Variants in EXOC4 observed in about 807,000 individuals in gnomAD.
The protein encoded by EXOC4 is SEC8-like 1.
EXOC4 carries 71 observed loss-of-function variants against 107.2 expected under a neutral mutation model. The observed-to-expected ratio is 0.66, with a 90% CI of 0.55 to 0.81. EXOC4 has a LOEUF of 0.81. Among genes scored for constraint, EXOC4 ranks in the 30% least tolerant of loss-of-function variants. The probability of loss-of-function intolerance (pLI) is 0.00; values close to 1 mark genes in which losing one functional copy is unlikely to be tolerated. For missense variants in EXOC4, 1,108 were observed against 1,189.6 expected (o/e 0.93, Z 1.01); for synonymous variants, 456 against 441.2 (o/e 1.03, Z -0.42).
At chr7:133,355,120 TTTTC>T (rs1034498840) in intron 5 of EXOC4, among the ~76,000 whole-genome samples, 40 of 152,270 alleles carry the variant, frequency 2.6e-4, no homozygotes, top group South Asian at 6.2e-4. Context: ...TACTGGGATG[TTTTC>T]TTTCTTCCCT....
intron 3 of EXOC4, among the ~76,000 whole-genome samples, chr7:133,296,567 T>C (rs994705269): frequency 2.0e-5 from 3 of 152,130 alleles, no homozygotes; most frequent in Non-Finnish European, 2.9e-5. Flanking sequence ...AGAGTAGAAG[T>C]GCAGGGGTTT....
Position 133,760,696 on chromosome 7 carries a change from C to T in EXOC4, c.1515-56629C>T, listed in dbSNP as rs551523181. ...ACCCAGGTCTCCTGGTTTTCATCTC[C>T]GTATTGTTTTCACTATATTATAAAA... On this transcript the variant is annotated intron_variant, in intron 10 of 17. Transcript: ENST00000253861. Among the ~76,000 whole-genome samples the T allele has an allele frequency of 5.3e-5, 8 of 151,514 alleles. No homozygotes were observed. The East Asian group carries it at 1.2e-3, about 22-fold the overall frequency.
At chr7:133,375,348 C>T (rs1023027344) in intron 7 of EXOC4, among the ~76,000 whole-genome samples, 8 of 151,928 alleles carry the variant, frequency 5.3e-5, no homozygotes, top group Non-Finnish European at 7.4e-5. Flanking sequence ...TGGTGGCGGG[C>T]GCCTGTAATC....
chr7:133,646,012 C>T (rs1471250146), intron 10 of EXOC4, among the ~76,000 whole-genome samples: 3 of 151,424 alleles, frequency 2.0e-5, no homozygotes, highest in Non-Finnish European at 4.4e-5. Context: ...CATTAATTTC[C>T]CATGACAGCA....
intron 9 of EXOC4, among the ~76,000 whole-genome samples, chr7:133,529,417 C>G (rs1042662132): frequency 6.6e-6 from 1 of 152,158 alleles, no homozygotes; most frequent in Non-Finnish European, 1.5e-5. Context: ...TTAAGTTTCT[C>G]ATACTTATCA....
intron 17 of EXOC4, among the ~76,000 whole-genome samples, chr7:134,013,946 T>C (rs1794832921): frequency 6.6e-6 from 1 of 152,132 alleles, no homozygotes; most frequent in Non-Finnish European, 1.5e-5. Flanking sequence ...CTGGTAGAAA[T>C]GTAAAATGGT....
At chr7:133,551,013 T>C (rs1449709400) in intron 9 of EXOC4, among the ~76,000 whole-genome samples, 1 of 152,108 alleles carries the variant, frequency 6.6e-6, no homozygotes, top group Middle Eastern at 3.2e-3. Context: ...TTTCCGAGAC[T>C]TAGGCCCCAC....
At chr7:134,011,794 A>T (rs1313100206) in intron 17 of EXOC4, among the ~76,000 whole-genome samples, 1 of 151,974 alleles carries the variant, frequency 6.6e-6, no homozygotes, top group Non-Finnish European at 1.5e-5. Flanking sequence ...TTAAAAAAAA[A>T]AAAAAAGAGT....
At chr7:133,701,439 G>A (rs1170571272) in intron 10 of EXOC4, among the ~76,000 whole-genome samples, 1 of 152,024 alleles carries the variant, frequency 6.6e-6, no homozygotes, top group Non-Finnish European at 1.5e-5. Flanking sequence ...GCATACAGTG[G>A]GGCCTTGTTA....
At chr7:133,681,050 C>T (rs941437847) in intron 10 of EXOC4, among the ~76,000 whole-genome samples, 8 of 152,118 alleles carry the variant, frequency 5.3e-5, no homozygotes, top group African/African-American at 1.7e-4. Flanking sequence ...TCAAGTTGAA[C>T]CTTTTTGATG....
chr7:133,617,336 AAG>A (rs1022133551), intron 9 of EXOC4, among the ~76,000 whole-genome samples: 3 of 152,150 alleles, frequency 2.0e-5, no homozygotes, highest in African/African-American at 7.2e-5. Context: ...CTGTTCCATA[AAG>A]AGAGGGTTGC....
chr7:133,492,360 A>G lies in EXOC4; in HGVS notation c.1417+12222A>G, dbSNP rs575376925. On this transcript the variant is annotated intron_variant, in intron 9 of 17. Coordinates refer to ENST00000253861, the MANE Select transcript of EXOC4 (RefSeq NM_021807.4). ...AATGATGTCATTTGTTAAGACAGGAAATATAAAAAGAGGAGTAGTTTTTAT... is the reference window on the plus strand; with the variant it reads ...AATGATGTCATTTGTTAAGACAGGAGATATAAAAAGAGGAGTAGTTTTTAT... Among the ~76,000 whole-genome samples the G allele has an allele frequency of 1.4e-4, 22 of 152,326 alleles. No homozygotes were observed. In the South Asian group the frequency reaches 4.6e-3, roughly 32 times the overall value.
intron 10 of EXOC4, among the ~76,000 whole-genome samples, chr7:133,725,232 C>T (rs941934405): frequency 6.6e-6 from 1 of 152,118 alleles, no homozygotes; most frequent in African/African-American, 2.4e-5. Flanking sequence ...TACATTTTCA[C>T]AGGTTGCTTT....
intron 10 of EXOC4, among the ~76,000 whole-genome samples, chr7:133,724,383 TA>T (rs1180314291): frequency 6.6e-6 from 1 of 152,206 alleles, no homozygotes; most frequent in Non-Finnish European, 1.5e-5. Flanking sequence ...TCATATACCT[TA>T]ATTCTTCCGG....
the EXOC4 span, among the ~76,000 whole-genome samples, chr7:134,073,230 A>AAAAAAAAAAAAAAAAC: frequency 4.9e-4 from 9 of 18,426 alleles, no homozygotes; most frequent in African/African-American, 2.4e-3. Flanking sequence ...AAAAAAAAAA[A>AAAAAAAAAAAAAAAAC]AACAACAAAG....
intron 5 of EXOC4, among the ~76,000 whole-genome samples, chr7:133,341,367 C>A (rs1427893219): frequency 6.6e-6 from 1 of 152,018 alleles, no homozygotes; most frequent in Non-Finnish European, 1.5e-5. Flanking sequence ...AGTTGATTTC[C>A]AGTTTTATTC....
intron 9 of EXOC4, among the ~76,000 whole-genome samples, chr7:133,513,070 A>G (rs1468102497): frequency 6.6e-6 from 1 of 152,146 alleles, no homozygotes; most frequent in Non-Finnish European, 1.5e-5. Context: ...GCGCCACTGC[A>G]CTCCATCTTG....
At chr7:133,671,370 C>A (rs1793941195) in intron 10 of EXOC4, among the ~76,000 whole-genome samples, 1 of 152,050 alleles carries the variant, frequency 6.6e-6, no homozygotes, top group African/African-American at 2.4e-5. Context: ...TCAAGACCAG[C>A]CTGGCCAACA....
chr7:133,608,977 A>G (rs1585029904), intron 9 of EXOC4, among the ~76,000 whole-genome samples: 2 of 152,302 alleles, frequency 1.3e-5, no homozygotes, highest in African/African-American at 4.8e-5. Flanking sequence ...TATTGTTATC[A>G]AGATTTTACC....
Sources: allele counts gnomAD v4.1 joint callset (sites outside exome capture counted in the v4.1 genomes callset), GRCh38; gene constraint gnomAD v4.1.1; transcripts MANE v1.5; gene names NCBI Gene and HGNC (gene_info 2026-07-23, HGNC 2026-07-21).